TENM4: variants seen among roughly 807,000 people sequenced by gnomAD.
TENM4 encodes the protein teneurin-4.
A neutral mutation model predicts 243.3 loss-of-function variants in TENM4; 82 were observed. That is an observed-to-expected ratio of 0.34 (90% CI 0.28 to 0.40). The LOEUF (loss-of-function observed/expected upper bound fraction) is 0.40, where lower values mean the gene tolerates loss of function less well. Ranked by LOEUF, TENM4 falls within the 10% of genes least tolerant of loss-of-function variation. TENM4 has a pLI of 1.00. For synonymous variants in TENM4, 1,412 were observed against 1,456.3 expected (o/e 0.97, Z 0.69); for missense variants, 3,138 against 3,673.3 (o/e 0.85, Z 3.77).
chr11:78,790,862 G>A (rs1857041704), intron 15 of TENM4, among the ~76,000 whole-genome samples: 1 of 152,130 alleles, frequency 6.6e-6, no homozygotes, highest in Non-Finnish European at 1.5e-5. Flanking sequence ...ATGAAATGAG[G>A]TCCTCTACAC....
intron 6 of TENM4, among the ~76,000 whole-genome samples, chr11:78,948,447 TC>T (rs1565139268): frequency 6.6e-6 from 1 of 150,870 alleles, no homozygotes; most frequent in African/African-American, 2.4e-5. Flanking sequence ...TGATCTCGGC[TC>T]ACTGCAAGCT....
chr11:79,094,552 A>G lies in TENM4; in HGVS notation c.-65-24543T>C, dbSNP rs192176009. Among the ~76,000 whole-genome samples, 404 of 152,280 alleles carry G rather than the reference A, an allele frequency of 2.7e-3. 4 individuals are homozygous for G. The highest frequency in any genetic ancestry group is 9.2e-3 in the African/African-American group (382 of 41,554). On this transcript the variant is annotated intron_variant, in intron 4 of 33. Transcript: ENST00000278550. Reference sequence around the variant, plus strand: ...TGTGAAAGAAAGGGGTGAATCAGTGAGAAGTGTCAAATTCCAGTAGGCATT... The same window carrying G: ...TGTGAAAGAAAGGGGTGAATCAGTGGGAAGTGTCAAATTCCAGTAGGCATT...
intron 5 of TENM4, among the ~76,000 whole-genome samples, chr11:79,065,398 C>A (rs1364745062): frequency 1.3e-5 from 2 of 152,196 alleles, no homozygotes; most frequent in Non-Finnish European, 2.9e-5. Context: ...GGGCAGGCAC[C>A]ATGTTTTGCT....
intron 15 of TENM4, among the ~76,000 whole-genome samples, chr11:78,801,671 C>T (rs768141113): frequency 1.1e-4 from 16 of 152,180 alleles, no homozygotes; most frequent in Non-Finnish European, 2.1e-4. Flanking sequence ...AGACACTCAT[C>T]TCAGGGAATA....
intron 6 of TENM4, among the ~76,000 whole-genome samples, chr11:79,061,093 T>C (rs1860074702): frequency 6.6e-6 from 1 of 152,160 alleles, no homozygotes; most frequent in Non-Finnish European, 1.5e-5. Flanking sequence ...CTCAACTAGA[T>C]ATGTGGCCCT....
In TENM4 at chr11:78,667,377, T is replaced by C. The variant is rs1340544119; in HGVS notation, c.7408+1560A>G. On this transcript the variant is annotated intron_variant, in intron 32 of 33. Coordinates refer to ENST00000278550, the MANE Select transcript of TENM4 (RefSeq NM_001098816.3). ...GGGTCCAGGTGGGGGCTACCAAGTT[T>C]GGGAGCTGGGAAGCCACGTCTGTAA... Among the ~76,000 whole-genome samples the C allele has an allele frequency of 2.0e-5, 3 of 152,282 alleles. No individual in the cohort carries two copies. The South Asian group carries it at 6.2e-4, about 32-fold the overall frequency.
chr11:79,153,072 C>A (rs1482790403), intron 3 of TENM4, among the ~76,000 whole-genome samples: 1 of 152,162 alleles, frequency 6.6e-6, no homozygotes, highest in Non-Finnish European at 1.5e-5. Flanking sequence ...ATAGGCAGTA[C>A]TAAAGGATGA....
chr11:79,115,644 G>A (rs1457481278), intron 4 of TENM4, among the ~76,000 whole-genome samples: 1 of 152,190 alleles, frequency 6.6e-6, no homozygotes, highest in African/African-American at 2.4e-5. Flanking sequence ...ATCTGAATGA[G>A]GGTGAGGCTT....
intron 19 of TENM4, among the ~76,000 whole-genome samples, chr11:78,742,913 C>T (rs1855964831): frequency 6.6e-6 from 1 of 152,166 alleles, no homozygotes; most frequent in Admixed American, 6.5e-5. Context: ...TCATAGTTCC[C>T]AGTTCTGACT....
chr11:78,965,847 C>T (rs1372427486), intron 6 of TENM4, among the ~76,000 whole-genome samples: 2 of 152,186 alleles, frequency 1.3e-5, no homozygotes. Context: ...AGTTAATTTC[C>T]TTCCTCTTAG....
intron 5 of TENM4, among the ~76,000 whole-genome samples, chr11:79,068,854 CA>C (rs1245342296): frequency 1.3e-5 from 2 of 151,598 alleles, no homozygotes; most frequent in Non-Finnish European, 1.5e-5. Flanking sequence ...AGTTAGGGGA[CA>C]AAAAAAGTCT....
chr11:78,876,302 G>T (rs1260485233), intron 9 of TENM4, among the ~76,000 whole-genome samples: 1 of 152,200 alleles, frequency 6.6e-6, no homozygotes, highest in Admixed American at 6.5e-5. Context: ...GTGTCTACCA[G>T]CACTTGTGAT....
In TENM4 at chr11:78,658,510, C is replaced by A; in HGVS notation, c.7858G>T (p.Val2620Leu). The stretch of plus-strand genomic sequence containing the variant: ...TCACCTTCTGAAGGTCCTGGTTTCA[C>A]AAAGTAATGGGTATCCACCCCATCA... ...TIDGVDTHYF[V>L]KPGPSEGDLA... Residue 2620 changes from valine (V) to leucine (L), a missense_variant, in exon 34 of 34, where the codon GTG becomes TTG. Physicochemically the swap from Val to Leu is conservative, Grantham distance 32. Coordinates refer to ENST00000278550, the MANE Select transcript of TENM4 (RefSeq NM_001098816.3). 6.2e-7 allele frequency: 1 copy of A among 1,614,008 alleles called. No homozygotes were observed. The highest frequency in any genetic ancestry group is 8.5e-7 in the Non-Finnish European group (1 of 1,179,882).
chr11:78,691,974 C>T (rs986830969), intron 28 of TENM4, among the ~76,000 whole-genome samples: 2 of 152,160 alleles, frequency 1.3e-5, no homozygotes, highest in African/African-American at 4.8e-5. Context: ...TGCCAGTCCT[C>T]TGGGCCCCGC....
intron 1 of TENM4, among the ~76,000 whole-genome samples, chr11:79,299,448 T>C (rs1290126054): frequency 6.6e-6 from 1 of 152,192 alleles, no homozygotes; most frequent in African/African-American, 2.4e-5. Flanking sequence ...TTCTGTGCCA[T>C]CTGGCCACCA....
Position 78,856,197 on chromosome 11 carries a change from G to A in TENM4, c.1256-19C>T, listed in dbSNP as rs1215352858. On this transcript the variant is annotated intron_variant, in intron 10 of 33. Transcript: ENST00000278550. ...GGCTTTCCTACCAAGATAGAGGGAA[G>A]GGAAGACAAAGACATCTCGGTTAGC... 1.3e-6 allele frequency: 2 copies of A among 1,548,222 alleles called. No homozygotes were observed. Among genetic ancestry groups the A allele is most frequent in the Non-Finnish European group, 1.7e-6 (2 of 1,144,488 alleles).
At chr11:78,934,104 C>T (rs1372955280) in intron 6 of TENM4, among the ~76,000 whole-genome samples, 2 of 151,982 alleles carry the variant, frequency 1.3e-5, no homozygotes, top group African/African-American at 4.8e-5. Flanking sequence ...ATCCAGTTGA[C>T]AAAAATAAAG....
intron 27 of TENM4, among the ~76,000 whole-genome samples, chr11:78,706,761 C>T (rs533716602): frequency 6.6e-6 from 1 of 152,280 alleles, no homozygotes; most frequent in Admixed American, 6.5e-5. Context: ...AAATTTTCGG[C>T]ACCCTGTGCT....
chr11:78,916,752 T>C (rs1856325809), intron 6 of TENM4, among the ~76,000 whole-genome samples: 1 of 152,192 alleles, frequency 6.6e-6, no homozygotes, highest in African/African-American at 2.4e-5. Context: ...CATCTTTGTT[T>C]ATGAAATTTT....
Sources: gnomAD v4.1 joint callset for allele counts (sites outside exome capture counted in the v4.1 genomes callset) on GRCh38, gnomAD v4.1.1 for gene constraint, MANE v1.5 for transcripts, NCBI Gene and HGNC (gene_info 2026-07-23, HGNC 2026-07-21) for gene names.